The following RPL5 variants were observed in gnomAD, a reference collection of about 807,000 sequenced individuals.
The protein encoded by RPL5 is ribosomal protein L5.
Under a neutral mutation model 38.4 loss-of-function variants are expected in RPL5, and 1 was observed. The ratio of observed to expected loss-of-function variants is 0.03; its 90% CI spans 0.01 to 0.12. RPL5 has a LOEUF of 0.12. RPL5 is among the 10% of genes least tolerant of loss of function. The pLI is 1.00. For synonymous variants in RPL5, 109 were observed against 121.2 expected (o/e 0.90, Z 0.66); for missense variants, 243 against 374.1 (o/e 0.65, Z 2.89).
chr1:92,832,226 A>G lies in RPL5; in HGVS notation c.3+109A>G, dbSNP rs1277012205. The G allele has an allele frequency of 3.9e-6, 6 of 1,531,820 alleles. No individual in the cohort carries two copies. The Admixed American group carries it at 1.1e-4, about 29-fold the overall frequency. The allele number at this position is 1,531,820 out of a possible 1,614,324, so 94.9% of individuals were successfully genotyped here. On this transcript the variant is annotated intron_variant, in intron 1 of 7. Transcript: ENST00000370321. ...CGCGTCGCAGGGGCCGGATGGCGTT[A>G]GATTGCTAGCTCTGACTTGGTCGAG...
At chr1:92,839,459 C>A (rs1481227696) in intron 6 of RPL5, among the ~76,000 whole-genome samples, 2 of 152,074 alleles carry the variant, frequency 1.3e-5, no homozygotes. Flanking sequence ...CCACTAGATA[C>A]TAGGGATAGA....
rs909442268 is a variant in RPL5, at chr1:92,836,475, T to C, written c.527+83T>C. The C allele has an allele frequency of 2.4e-6, 3 of 1,259,580 alleles. No homozygotes were observed. In the Admixed American group the frequency reaches 5.3e-5, roughly 22 times the overall value. 78.0% of individuals were successfully genotyped at this position (1,259,580 alleles called of 1,614,324 possible). Reference sequence around the variant, plus strand: ...TAGTTGGACTGTGGAGATAACCGAATTAAAGTAGCTATCAATTGAATGCCT... The same window carrying C: ...TAGTTGGACTGTGGAGATAACCGAACTAAAGTAGCTATCAATTGAATGCCT... On this transcript the variant is annotated intron_variant, in intron 5 of 7. Transcript: ENST00000370321.
intron 4 of RPL5, 99 bp downstream of exon 4, chr1:92,835,012 C>T: frequency 1.3e-6 from 2 of 1,542,940 alleles, no homozygotes; most frequent in Non-Finnish European, 8.9e-7. Context: ...TTAAGTTGTG[C>T]TTCAGGAGAG....
chr1:92,837,220 C>T lies in RPL5; in HGVS notation c.528-236C>T, dbSNP rs1002526880. On this transcript the variant is annotated intron_variant, in intron 5 of 7. Transcript: ENST00000370321. ...GACTAATTTTGTAGTGGTGGAAAGC[C>T]TTGGTAATGGCTTTTAAAGGTTTTT... 22 of 690,752 alleles carry T rather than the reference C, an allele frequency of 3.2e-5. No individual in the cohort carries two copies. In the Middle Eastern group the frequency reaches 7.4e-4, roughly 23 times the overall value. 42.8% of individuals were successfully genotyped at this position (690,752 alleles called of 1,614,324 possible).
rs368824311 is a variant in RPL5 at position 92,841,207 on chromosome 1, G to A, written c.795-559G>A. Among the ~76,000 whole-genome samples, 154 of 152,242 alleles carry A rather than the reference G, an allele frequency of 1.0e-3. 3 individuals are homozygous for A. Among genetic ancestry groups the A allele is most frequent in the African/African-American group, 3.5e-3 (145 of 41,542 alleles). Reference sequence around the variant, plus strand: ...CCATTCTTTGCACCCACCAGCCTCTGTAACCACCATTCTGCTCTCTGCTTC... The same window carrying A: ...CCATTCTTTGCACCCACCAGCCTCTATAACCACCATTCTGCTCTCTGCTTC... On this transcript the variant is annotated intron_variant, in intron 7 of 7. Coordinates refer to ENST00000370321, the MANE Select transcript of RPL5 (RefSeq NM_000969.5).
intron 1 of RPL5, 161 bp from the exon 2 acceptor site, chr1:92,833,228 A>G (rs1686981985): frequency 1.5e-6 from 1 of 665,366 alleles, no homozygotes; most frequent in Admixed American, 2.6e-5. Context: ...TAGAGGAAAA[A>G]GATTCTTGAC....
chr1:92,836,806 G>C (rs993783232), intron 5 of RPL5: 2 of 216,334 alleles, frequency 9.2e-6, no homozygotes, highest in Admixed American at 1.1e-4. Flanking sequence ...GCTTATGAAA[G>C]ATTTCTAAAC....
chr1:92,839,330 G>T (rs1687261311), intron 6 of RPL5, among the ~76,000 whole-genome samples: 1 of 152,162 alleles, frequency 6.6e-6, no homozygotes, highest in Admixed American at 6.5e-5. Flanking sequence ...CTGCACTCCA[G>T]CCTGGGCAAC....
chr1:92,835,365 A>G (rs1687076365), intron 4 of RPL5: 1 of 231,424 alleles, frequency 4.3e-6, no homozygotes, highest in South Asian at 6.1e-5. Context: ...AAAACTGGAG[A>G]ATCTTGGCTA....
chr1:92,835,206 T>C (rs1225316795), intron 4 of RPL5: 2 of 475,214 alleles, frequency 4.2e-6, no homozygotes, highest in Non-Finnish European at 7.7e-6. Context: ...AGCTAGTGTC[T>C]ACTTAATTGG....
intron 1 of RPL5, chr1:92,832,894 G>A (rs1686964923): frequency 1.5e-6 from 1 of 651,580 alleles, no homozygotes. Flanking sequence ...CATGGGAAGC[G>A]AGAGAGGTAC....
intron 1 of RPL5, chr1:92,832,977 CTGAT>C (rs754054992): frequency 1.1e-5 from 8 of 728,438 alleles, no homozygotes; most frequent in East Asian, 2.5e-5. Flanking sequence ...TTTGGCATCA[CTGAT>C]TGCTGTCTGG....
chr1:92,834,977 G>C (rs1687060079), intron 4 of RPL5, 64 bp downstream of exon 4: 55 of 1,596,504 alleles, frequency 3.4e-5, no homozygotes, highest in Non-Finnish European at 4.6e-5. Context: ...TTTTCTGCAA[G>C]ATGTTTGTAC....
Position 92,833,435 on chromosome 1 carries a change from A to C in RPL5, c.50A>C (p.Gln17Pro), listed in dbSNP as rs767994083. 1 of 1,614,108 alleles carries C rather than the reference A, an allele frequency of 6.2e-7. No homozygotes were observed. Among genetic ancestry groups the C allele is most frequent in the Non-Finnish European group, 8.5e-7 (1 of 1,179,968 alleles). The change falls in exon 2 of 8, where the codon CAA (glutamine) becomes CCA (proline). Residue 17 changes from glutamine to proline, a missense_variant. Physicochemically the swap from Gln to Pro is moderately conservative, Grantham distance 76. Coordinates refer to ENST00000370321, the MANE Select transcript of RPL5 (RefSeq NM_000969.5). ...VKNKAYFKRY[Q>P]VKFRRRREGK... The stretch of plus-strand genomic sequence containing the variant: ...AATAAGGCCTACTTTAAGAGATACC[A>C]AGTGAAATTTAGAAGACGACGAGGT...
intron 3 of RPL5, 135 bp downstream of exon 3, chr1:92,833,795 G>A: frequency 1.4e-6 from 1 of 723,220 alleles, no homozygotes. Flanking sequence ...TTTCCTTTTA[G>A]TAGGTCTAGA....
At chr1:92,833,197 A>G in intron 1 of RPL5, 192 bp from the exon 2 acceptor site, 2 of 652,094 alleles carry the variant, frequency 3.1e-6, no homozygotes, top group East Asian at 2.7e-5. Context: ...TTATGAAACT[A>G]CTAGTCTGTG....
At chr1:92,832,988 C>G in intron 1 of RPL5, 1 of 733,954 alleles carries the variant, frequency 1.4e-6, no homozygotes, top group Non-Finnish European at 2.5e-6. Context: ...TGATTGCTGT[C>G]TGGAGCAGTG....
At chr1:92,839,447 TACC>T (rs1687265991) in intron 6 of RPL5, among the ~76,000 whole-genome samples, 1 of 152,170 alleles carries the variant, frequency 6.6e-6, no homozygotes, top group Non-Finnish European at 1.5e-5. Flanking sequence ...GGCCTTATAT[TACC>T]ACTAGATACT....
intron 6 of RPL5, 86 bp downstream of exon 6, chr1:92,837,719 T>C (rs1285507428): frequency 2.0e-5 from 22 of 1,074,304 alleles, no homozygotes; most frequent in South Asian, 5.3e-5. Flanking sequence ...AACATTCTTA[T>C]ATAGGTGTGT....
Sources: gnomAD v4.1 joint callset for allele counts (sites outside exome capture counted in the v4.1 genomes callset) on GRCh38, gnomAD v4.1.1 for gene constraint, MANE v1.5 for transcripts, NCBI Gene and HGNC (gene_info 2026-07-23, HGNC 2026-07-21) for gene names.